CELF4: variants seen among roughly 807,000 people sequenced by gnomAD.
The protein encoded by CELF4 is CUG-BP- and ETR-3-like factor 4.
Under a neutral mutation model 59.9 loss-of-function variants are expected in CELF4, and 18 were observed. The observed-to-expected ratio is 0.30, with a 90% CI of 0.21 to 0.45. The LOEUF is 0.45. Ranked by LOEUF, CELF4 falls within the 20% of genes least tolerant of loss-of-function variation. CELF4 has a pLI of 1.00. For synonymous variants in CELF4, 261 were observed against 267.1 expected (o/e 0.98, Z 0.22); for missense variants, 456 against 689.0 (o/e 0.66, Z 3.79).
At chr18:37,407,931 TG>T (rs5824055) in intron 2 of CELF4, among the ~76,000 whole-genome samples, 85,755 of 151,990 alleles carry the variant, frequency 0.56, 26,473 homozygotes, top group South Asian at 0.8. Context: ...AAATCTGCTC[TG>T]TACCACAGAA....
intron 3 of CELF4, among the ~76,000 whole-genome samples, chr18:37,300,982 A>C (rs1259810406): frequency 6.6e-6 from 1 of 152,204 alleles, no homozygotes; most frequent in Non-Finnish European, 1.5e-5. Context: ...GAGTGGTAAA[A>C]GGCTTGGACT....
rs2061025682 is a variant in CELF4, at chr18:37,243,678, CCT to C, written c.*1562_*1563del. 1 of 152,386 alleles carries C rather than the reference CCT, an allele frequency of 6.6e-6. No homozygotes were observed. Among genetic ancestry groups the C allele is most frequent in the African/African-American group, 2.4e-5 (1 of 41,422 alleles). 9.4% of individuals were successfully genotyped at this position (152,386 alleles called of 1,614,324 possible). A position where few individuals can be genotyped will look rare whatever the true frequency, so the allele number is the denominator to read the frequency against. Reference sequence around the variant, plus strand: ...ACAGAGCCGGCATCATTTAAACATCCCTGTTTTTCAAAATTCCTTGTAAACAG... The same window carrying C: ...ACAGAGCCGGCATCATTTAAACATCCGTTTTTCAAAATTCCTTGTAAACAG... On this transcript the variant is annotated 3_prime_UTR_variant, in exon 13 of 13. Transcript: ENST00000420428.
chr18:37,453,647 C>T (rs555216697), intron 2 of CELF4, among the ~76,000 whole-genome samples: 4 of 152,198 alleles, frequency 2.6e-5, no homozygotes, highest in East Asian at 1.9e-4. Context: ...AGGTGGGACT[C>T]GGCACAGAGC....
At chr18:37,287,770 T>A (rs2094942707) in intron 3 of CELF4, among the ~76,000 whole-genome samples, 1 of 152,102 alleles carries the variant, frequency 6.6e-6, no homozygotes, top group African/African-American at 2.4e-5. Context: ...CAGATAGACA[T>A]AGAGATGGAT....
At chr18:37,285,700 C>T (rs1412455917) in intron 3 of CELF4, among the ~76,000 whole-genome samples, 1 of 152,184 alleles carries the variant, frequency 6.6e-6, no homozygotes, top group African/African-American at 2.4e-5. Context: ...CTCTGGCCTT[C>T]GGACCCTTGC....
chr18:37,261,625 C>G (rs1434852903), intron 10 of CELF4, among the ~76,000 whole-genome samples: 1 of 152,214 alleles, frequency 6.6e-6, no homozygotes, highest in African/African-American at 2.4e-5. Context: ...GCTGGCAGGA[C>G]TTTAGAGACC....
intron 2 of CELF4, among the ~76,000 whole-genome samples, chr18:37,379,467 A>C (rs1031763011): frequency 6.7e-6 from 1 of 148,152 alleles, no homozygotes; most frequent in Non-Finnish European, 1.5e-5. Flanking sequence ...AATCACCTTC[A>C]TAATGGCCAG....
chr18:37,414,198 CTATCT>C (rs2099503332), intron 2 of CELF4, among the ~76,000 whole-genome samples: 1 of 22,222 alleles, frequency 4.5e-5, no homozygotes, highest in African/African-American at 1.3e-4. Flanking sequence ...ATTCATCTAT[CTATCT>C]ATCTATCTAT....
intron 2 of CELF4, among the ~76,000 whole-genome samples, chr18:37,379,589 G>C (rs961075335): frequency 6.9e-6 from 1 of 145,128 alleles, no homozygotes; most frequent in African/African-American, 2.5e-5. Context: ...ATGGAAGCCA[G>C]AGAAATCCTT....
At chr18:37,309,400 T>C (rs1247050879) in intron 3 of CELF4, among the ~76,000 whole-genome samples, 2 of 152,180 alleles carry the variant, frequency 1.3e-5, no homozygotes, top group East Asian at 3.9e-4. Context: ...GGCACTCTTA[T>C]TGGAGGCTCT....
intron 2 of CELF4, among the ~76,000 whole-genome samples, chr18:37,389,175 A>C (rs951025008): frequency 1.3e-5 from 2 of 152,210 alleles, no homozygotes; most frequent in African/African-American, 4.8e-5. Context: ...GGCTGCTCTC[A>C]GGCTGTCGCT....
intron 3 of CELF4, among the ~76,000 whole-genome samples, chr18:37,314,131 T>C (rs1026445434): frequency 6.6e-6 from 1 of 151,994 alleles, no homozygotes; most frequent in Non-Finnish European, 1.5e-5. Flanking sequence ...AGACACAAGA[T>C]GCAGGAGTGC....
At chr18:37,305,422 C>T (rs2096332604) in intron 3 of CELF4, 1 of 152,314 alleles carries the variant, frequency 6.6e-6, no homozygotes, top group Non-Finnish European at 1.5e-5. Context: ...TAATTTAGGT[C>T]AGCAAGTGCC....
intron 2 of CELF4, among the ~76,000 whole-genome samples, chr18:37,360,141 C>T (rs2098678940): frequency 6.6e-6 from 1 of 152,226 alleles, no homozygotes; most frequent in Non-Finnish European, 1.5e-5. Flanking sequence ...GCATGAGCCA[C>T]CATGCCGGGC....
At chr18:37,471,528 G>A (rs1354421412) in intron 2 of CELF4, among the ~76,000 whole-genome samples, 1 of 152,012 alleles carries the variant, frequency 6.6e-6, no homozygotes, top group East Asian at 1.9e-4. Flanking sequence ...CACCTCACTG[G>A]AGTGACATCT....
chr18:37,320,283 C>A (rs540024904), intron 3 of CELF4, among the ~76,000 whole-genome samples: 146 of 148,224 alleles, frequency 9.8e-4, no homozygotes, highest in African/African-American at 3.6e-3. Context: ...TTGCAGTGAG[C>A]CGAGATCACA....
intron 1 of CELF4, among the ~76,000 whole-genome samples, chr18:37,530,921 A>G (rs2154605050): frequency 6.6e-6 from 1 of 150,708 alleles, no homozygotes; most frequent in East Asian, 1.9e-4. Context: ...AAAAGGACTG[A>G]TAAGAATCTG....
chr18:37,382,685 G>A (rs185657880), intron 2 of CELF4, among the ~76,000 whole-genome samples: 12 of 152,328 alleles, frequency 7.9e-5, no homozygotes, highest in Non-Finnish European at 1.6e-4. Context: ...ACACAGAACT[G>A]AGAAGTAGGT....
chr18:37,302,447 C>T (rs574921199), intron 3 of CELF4, among the ~76,000 whole-genome samples: 1 of 152,328 alleles, frequency 6.6e-6, no homozygotes, highest in South Asian at 2.1e-4. Flanking sequence ...CAACATCAGC[C>T]AGCAACATGG....
Sources: gnomAD v4.1 joint callset for allele counts (sites outside exome capture counted in the v4.1 genomes callset) on GRCh38, gnomAD v4.1.1 for gene constraint, MANE v1.5 for transcripts, NCBI Gene and HGNC (gene_info 2026-07-23, HGNC 2026-07-21) for gene names.